The following TMEM65 variants were observed in gnomAD, a reference collection of about 807,000 sequenced individuals.
TMEM65 encodes transmembrane protein 65.
TMEM65 carries 22 observed loss-of-function variants against 25.4 expected under a neutral mutation model. The observed-to-expected ratio is 0.86, with a 90% CI of 0.62 to 1.23. The LOEUF (loss-of-function observed/expected upper bound fraction) is 1.23, where lower values mean the gene tolerates loss of function less well. Among genes scored for constraint, TMEM65 ranks in the 50% most tolerant of loss-of-function variants. The pLI is 0.00. For missense variants in TMEM65, 262 were observed against 308.2 expected, an observed-to-expected ratio of 0.85 and a Z score of 1.12; for synonymous variants, 132 against 126.2, an observed-to-expected ratio of 1.05 and a Z score of -0.31.
At position 124,323,445 on chromosome 8, in the gene TMEM65, A is replaced by C. The variant is rs1404983712; in HGVS notation, c.418-70T>G. 3.6e-6 allele frequency: 3 copies of C among 834,256 alleles called. No homozygotes were observed. In the African/African-American group the frequency reaches 5.3e-5, roughly 15 times the overall value. 51.7% of individuals were successfully genotyped at this position (834,256 alleles called of 1,614,324 possible). ...GACTATAAAAGAATAGCAAAGCATT[A>C]ATAAAAACAGATACAAGTTAAATCA... On this transcript the variant is annotated intron_variant, in intron 3 of 6. Coordinates refer to ENST00000297632, the MANE Select transcript of TMEM65 (RefSeq NM_194291.3).
intron 6 of TMEM65, among the ~76,000 whole-genome samples, chr8:124,319,273 A>G (rs534042507): frequency 6.6e-6 from 1 of 152,160 alleles, no homozygotes; most frequent in African/African-American, 2.4e-5. Context: ...ATCTTCCCTT[A>G]CAAGCTTATT....
At chr8:124,324,706 G>T (rs1814346437) in intron 3 of TMEM65, among the ~76,000 whole-genome samples, 1 of 152,004 alleles carries the variant, frequency 6.6e-6, no homozygotes, top group African/African-American at 2.4e-5. Flanking sequence ...TCATTTGGTT[G>T]AATGTAACAC....
intron 3 of TMEM65, among the ~76,000 whole-genome samples, chr8:124,323,728 A>C (rs1355653794): frequency 2.6e-5 from 4 of 152,052 alleles, no homozygotes; most frequent in Non-Finnish European, 5.9e-5. Flanking sequence ...ATTGATTTTA[A>C]ATTCTGAACT....
chr8:124,356,116 C>T (rs774375519), intron 1 of TMEM65, among the ~76,000 whole-genome samples: 6 of 152,126 alleles, frequency 3.9e-5, no homozygotes, highest in Non-Finnish European at 7.4e-5. Flanking sequence ...TTAATCTGAG[C>T]GGTGAACCAA....
intron 1 of TMEM65, among the ~76,000 whole-genome samples, chr8:124,340,844 G>A (rs971519921): frequency 1.3e-5 from 2 of 152,196 alleles, no homozygotes; most frequent in East Asian, 1.9e-4. Context: ...AAAGAAGATA[G>A]ATAACATTTT....
At chr8:124,320,352 A>G (rs1394253500) in intron 5 of TMEM65, among the ~76,000 whole-genome samples, 161 bp from the exon 6 acceptor site, 1 of 152,248 alleles carries the variant, frequency 6.6e-6, no homozygotes, top group African/African-American at 2.4e-5. Context: ...GAGAAACAAG[A>G]TAATTTTACA....
intron 1 of TMEM65, among the ~76,000 whole-genome samples, chr8:124,333,855 T>G (rs1049583954): frequency 6.6e-6 from 1 of 152,120 alleles, no homozygotes; most frequent in East Asian, 1.9e-4. Flanking sequence ...CTGATGAAAA[T>G]TCCTCAGTCT....
intron 1 of TMEM65, chr8:124,350,959 G>C: frequency 3.0e-6 from 3 of 984,638 alleles, no homozygotes; most frequent in Non-Finnish European, 3.6e-6. Flanking sequence ...AAATTAGGCA[G>C]TCTATTTCAA....
At chr8:124,354,334 T>C (rs1055689836) in intron 1 of TMEM65, among the ~76,000 whole-genome samples, 1 of 152,166 alleles carries the variant, frequency 6.6e-6, no homozygotes, top group East Asian at 1.9e-4. Flanking sequence ...TTGAATGACA[T>C]CAGAGTATTA....
intron 1 of TMEM65, among the ~76,000 whole-genome samples, chr8:124,352,933 C>T (rs1375196616): frequency 6.6e-6 from 1 of 151,978 alleles, no homozygotes; most frequent in Non-Finnish European, 1.5e-5. Context: ...TTGAGACCAG[C>T]CTGGCCAACA....
chr8:124,313,809 A>G lies in TMEM65; in HGVS notation c.*151T>C, dbSNP rs1243419689. 1 of 601,660 alleles carries G rather than the reference A, an allele frequency of 1.7e-6. No homozygotes were observed. The allele number at this position is 601,660 out of a possible 1,614,324, so 37.3% of individuals were successfully genotyped here. ...TAAAAAAGATGTCCTAAGAAGATCA[A>G]GCCACAATAAGTTAGTGTTTTCCAT... On this transcript the variant is annotated 3_prime_UTR_variant, in exon 7 of 7. Transcript: ENST00000297632.
chr8:124,318,334 T>C (rs1368373416), intron 6 of TMEM65, among the ~76,000 whole-genome samples: 1 of 149,352 alleles, frequency 6.7e-6, no homozygotes, highest in Non-Finnish European at 1.5e-5. Flanking sequence ...ATAACAAATA[T>C]ATGTTGTTTT....
intron 6 of TMEM65, among the ~76,000 whole-genome samples, chr8:124,319,528 CT>C (rs953451468): frequency 6.6e-6 from 1 of 151,900 alleles, no homozygotes; most frequent in African/African-American, 2.4e-5. Flanking sequence ...TAAATATACC[CT>C]TTTTTTATCA....
rs190625854 is a variant in TMEM65 at position 124,314,762 on chromosome 8, C to T, written c.622-701G>A. ...CTCTTCCCGAACTCTTTGGCTCAAG[C>T]GAGCCTCCTGACTCAGTCTCCCCAG... On this transcript the variant is annotated intron_variant, in intron 6 of 6. Transcript: ENST00000297632. Among the ~76,000 whole-genome samples the T allele has an allele frequency of 2.1e-3, 323 of 152,214 alleles. 3 individuals carry two copies. Among genetic ancestry groups the T allele is most frequent in the African/African-American group, 7.1e-3 (295 of 41,544 alleles).
At chr8:124,350,541 A>C (rs1464718228) in intron 1 of TMEM65, among the ~76,000 whole-genome samples, 1 of 151,836 alleles carries the variant, frequency 6.6e-6, no homozygotes, top group Non-Finnish European at 1.5e-5. Context: ...TGAGTTAGAT[A>C]TCAAGCTGAA....
chr8:124,334,020 G>T (rs1431060177), intron 1 of TMEM65, among the ~76,000 whole-genome samples: 1 of 152,182 alleles, frequency 6.6e-6, no homozygotes, highest in Admixed American at 6.5e-5. Flanking sequence ...CCACACATGT[G>T]CAGGGAAAAC....
intron 3 of TMEM65, 130 bp from the exon 4 acceptor site, chr8:124,323,505 A>G: frequency 4.8e-6 from 2 of 420,970 alleles, no homozygotes; most frequent in Non-Finnish European, 8.7e-6. Context: ...TACATCATAT[A>G]TGCACATATA....
chr8:124,368,277 C>T (rs1469376674), intron 1 of TMEM65, among the ~76,000 whole-genome samples: 2 of 150,626 alleles, frequency 1.3e-5, no homozygotes, highest in Non-Finnish European at 2.9e-5. Context: ...AAAAATATTC[C>T]CTAAGAGGCT....
chr8:124,323,447 TA>T, intron 3 of TMEM65, 72 bp from the exon 4 acceptor site: 2 of 796,558 alleles, frequency 2.5e-6, no homozygotes, highest in South Asian at 3.7e-5. Flanking sequence ...AAAGCATTAA[TA>T]AAAACAGATA....
Sources: allele counts gnomAD v4.1 joint callset (sites outside exome capture counted in the v4.1 genomes callset), GRCh38; gene constraint gnomAD v4.1.1; transcripts MANE v1.5; gene names NCBI Gene and HGNC (gene_info 2026-07-23, HGNC 2026-07-21).